The following SPATA6L variants were observed in gnomAD, a reference collection of about 807,000 sequenced individuals.
SPATA6L encodes the protein spermatogenesis associated 6 like, also known as spermatogenesis associated 6-like protein.
SPATA6L carries 68 observed loss-of-function variants against 49.2 expected under a neutral mutation model. That is an observed-to-expected ratio of 1.38 (90% CI 1.14 to 1.69). The LOEUF (loss-of-function observed/expected upper bound fraction) is 1.69. SPATA6L is among the 40% of genes most tolerant of loss of function. The pLI, the probability that SPATA6L is intolerant of heterozygous loss-of-function variation, is 0.00. For synonymous variants in SPATA6L, 198 were observed against 165.7 expected, an observed-to-expected ratio of 1.19 and a Z score of -1.50; for missense variants, 668 against 464.3, an observed-to-expected ratio of 1.44 and a Z score of -4.03.
chr9:4,615,730 G>A (rs1168867282), intron 9 of SPATA6L, among the ~76,000 whole-genome samples: 1 of 152,130 alleles, frequency 6.6e-6, no homozygotes, highest in Non-Finnish European at 1.5e-5. Context: ...TAGTATGTGA[G>A]CCAGTGGAAA....
At position 4,666,311 on chromosome 9, in the gene SPATA6L, C is replaced by T; in HGVS notation, c.-61G>A. On this transcript the variant is annotated 5_prime_UTR_variant, in exon 1 of 12. Transcript: ENST00000682582. Reference sequence around the variant, plus strand: ...GATCCTTTTGTGCCGAGCCTTGGACCAATTTTTCTTAGTTTAGCTGAATAC... The same window carrying T: ...GATCCTTTTGTGCCGAGCCTTGGACTAATTTTTCTTAGTTTAGCTGAATAC... The T allele has an allele frequency of 6.3e-7, 1 of 1,589,240 alleles. No individual in the cohort carries two copies.
At chr9:4,635,446 A>G in intron 3 of SPATA6L, 47 bp from the exon 4 acceptor site, 1 of 1,539,830 alleles carries the variant, frequency 6.5e-7, no homozygotes, top group Non-Finnish European at 8.7e-7. Context: ...TTACACCTCC[A>G]GGCTTAACAA....
At chr9:4,616,450 G>C (rs113302544) in intron 9 of SPATA6L, among the ~76,000 whole-genome samples, 1 of 152,164 alleles carries the variant, frequency 6.6e-6, no homozygotes, top group Non-Finnish European at 1.5e-5. Context: ...AATCCAGGAT[G>C]ACCTCCTGTG....
At chr9:4,610,049 G>C (rs1255950467) in intron 9 of SPATA6L, among the ~76,000 whole-genome samples, 1 of 151,932 alleles carries the variant, frequency 6.6e-6, no homozygotes, top group Non-Finnish European at 1.5e-5. Flanking sequence ...ATTCACAATT[G>C]CTTCAAAGAG....
intron 4 of SPATA6L, among the ~76,000 whole-genome samples, chr9:4,632,215 T>A (rs1831745614): frequency 6.6e-6 from 1 of 151,648 alleles, no homozygotes; most frequent in Non-Finnish European, 1.5e-5. Context: ...AGACGAGGTT[T>A]CACTGTGCTG....
chr9:4,657,676 G>C (rs116822391), intron 2 of SPATA6L, among the ~76,000 whole-genome samples: 34 of 152,172 alleles, frequency 2.2e-4, no homozygotes, highest in African/African-American at 6.8e-4. Context: ...ATGGGCAGCA[G>C]GCTTTTACAG....
chr9:4,594,409 T>C (rs563692512), downstream of SPATA6L, among the ~76,000 whole-genome samples: 33 of 152,304 alleles, frequency 2.2e-4, no homozygotes, highest in African/African-American at 7.5e-4. Flanking sequence ...AGACGGGGTT[T>C]CACCGTGTTA....
chr9:4,643,757 C>A (rs1834589619), intron 3 of SPATA6L, among the ~76,000 whole-genome samples: 1 of 152,172 alleles, frequency 6.6e-6, no homozygotes, highest in Admixed American at 6.5e-5. Flanking sequence ...GTAACCCCAG[C>A]ACTCTGGGAG....
intron 9 of SPATA6L, among the ~76,000 whole-genome samples, chr9:4,607,750 A>C (rs947908851): frequency 1.2e-4 from 18 of 152,190 alleles, no homozygotes; most frequent in Non-Finnish European, 1.9e-4. Context: ...CGAGCAAAAT[A>C]ACCAGCTAAC....
At chr9:4,615,008 ACCTTTGAGT>A (rs1827626836) in intron 9 of SPATA6L, among the ~76,000 whole-genome samples, 1 of 151,968 alleles carries the variant, frequency 6.6e-6, no homozygotes, top group African/African-American at 2.4e-5. Flanking sequence ...TCCCCCTCAA[ACCTTTGAGT>A]CCTGGCACTG....
At chr9:4,591,823 T>C (rs375214467) in intron 13 of SPATA6L, among the ~76,000 whole-genome samples, 7 of 152,206 alleles carry the variant, frequency 4.6e-5, no homozygotes, top group Non-Finnish European at 8.8e-5. Context: ...GTGAAAATGT[T>C]TGCTTCTATA....
intron 3 of SPATA6L, chr9:4,646,487 C>T: frequency 6.6e-7 from 1 of 1,517,480 alleles, no homozygotes; most frequent in South Asian, 1.3e-5. Flanking sequence ...GCCACATTAC[C>T]TGGAGGAACT....
At chr9:4,637,525 G>A (rs1833048759) in intron 3 of SPATA6L, among the ~76,000 whole-genome samples, 1 of 152,202 alleles carries the variant, frequency 6.6e-6, no homozygotes, top group African/African-American at 2.4e-5. Flanking sequence ...TGGCAGGGCT[G>A]TCCCTAGAAA....
At chr9:4,593,635 A>T (rs1822047641), downstream of SPATA6L, among the ~76,000 whole-genome samples, 1 of 152,164 alleles carries the variant, frequency 6.6e-6, no homozygotes, top group Non-Finnish European at 1.5e-5. Flanking sequence ...ACATTCCTGA[A>T]ACTCCGAGGT....
Position 4,662,950 on chromosome 9 carries a change from C to A in SPATA6L, c.40-914G>T, listed in dbSNP as rs776508141. The A allele has an allele frequency of 1.2e-6, 2 of 1,612,164 alleles. No homozygotes were observed. Among genetic ancestry groups the A allele is most frequent in the Non-Finnish European group, 1.7e-6 (2 of 1,179,920 alleles). On this transcript the variant is annotated intron_variant, in intron 1 of 11. Coordinates refer to ENST00000682582, the MANE Select transcript of SPATA6L (RefSeq NM_001353486.2). The surrounding 1 kb of genome is among the most constrained non-coding windows in gnomAD (Gnocchi z 4.9). Reference sequence around the variant, plus strand: ...AAAGGGCTGGTCCGCAGGCGCCGCCCGGCCCACAACCAGATGGACATGTTT... The same window carrying A: ...AAAGGGCTGGTCCGCAGGCGCCGCCAGGCCCACAACCAGATGGACATGTTT...
intron 3 of SPATA6L, among the ~76,000 whole-genome samples, chr9:4,644,778 T>A (rs1306918961): frequency 6.6e-6 from 1 of 151,968 alleles, no homozygotes; most frequent in Non-Finnish European, 1.5e-5. Flanking sequence ...AGGCTATTTA[T>A]GAGAATTGGT....
At position 4,599,323 on chromosome 9, in the gene SPATA6L, A is replaced by C. The variant is rs1309076616; in HGVS notation, c.*1488T>G. 1.3e-5 allele frequency among the ~76,000 whole-genome samples: 2 copies of C among 152,210 alleles called. No homozygotes were observed. Among genetic ancestry groups the C allele is most frequent in the African/African-American group, 4.8e-5 (2 of 41,452 alleles). ...ATACCTTTATTTGGCTGAAATTCTA[A>C]GAAGAGGATAAATGAATTTTGTTTT... is the stretch of plus-strand genomic sequence containing the variant. On this transcript the variant is annotated 3_prime_UTR_variant, in exon 12 of 12. Coordinates refer to ENST00000682582, the MANE Select transcript of SPATA6L (RefSeq NM_001353486.2).
At chr9:4,615,819 A>T (rs1827856161) in intron 9 of SPATA6L, among the ~76,000 whole-genome samples, 1 of 152,166 alleles carries the variant, frequency 6.6e-6, no homozygotes, top group South Asian at 2.1e-4. Flanking sequence ...CTCTCAGAAA[A>T]GCTTGCTGTA....
intron 9 of SPATA6L, among the ~76,000 whole-genome samples, chr9:4,609,479 G>C (rs578094820): frequency 6.6e-6 from 1 of 152,256 alleles, no homozygotes; most frequent in East Asian, 1.9e-4. Context: ...TGGGATGCAA[G>C]GCTAGTTCAA....
Sources: allele counts gnomAD v4.1 joint callset (sites outside exome capture counted in the v4.1 genomes callset), GRCh38; gene constraint gnomAD v4.1.1; non-coding constraint Gnocchi (gnomAD v3.1); transcripts MANE v1.5; gene names NCBI Gene and HGNC (gene_info 2026-07-23, HGNC 2026-07-21).